The following PCDH15 variants were observed in gnomAD, a reference collection of about 807,000 sequenced individuals.
PCDH15 encodes protocadherin related 15, also known as protocadherin-15.
PCDH15 carries 129 observed loss-of-function variants against 178.5 expected under a neutral mutation model. The observed-to-expected ratio is 0.72, with a 90% CI of 0.63 to 0.84. The LOEUF (loss-of-function observed/expected upper bound fraction) is 0.84. Among genes scored for constraint, PCDH15 ranks in the 40% least tolerant of loss-of-function variants. PCDH15 has a pLI of 0.00. For missense variants in PCDH15, 2,230 were observed against 2,099.9 expected, an observed-to-expected ratio of 1.06 and a Z score of -1.21; for synonymous variants, 800 against 732.0, an observed-to-expected ratio of 1.09 and a Z score of -1.50.
At chr10:55,147,558 T>A (rs905008094) in intron 2 of PCDH15, among the ~76,000 whole-genome samples, 2 of 151,630 alleles carry the variant, frequency 1.3e-5, no homozygotes, top group Non-Finnish European at 3.0e-5. Context: ...CAGGTTCAAA[T>A]AAGTTCATAT....
intron 1 of PCDH15, among the ~76,000 whole-genome samples, chr10:54,787,447 T>C (rs528729690): frequency 3.3e-5 from 5 of 152,096 alleles, no homozygotes; most frequent in African/African-American, 9.6e-5. Context: ...TAGTCAACAA[T>C]AGTGTCAAAA....
chr10:54,543,109 C>G (rs1015701683), intron 2 of PCDH15, among the ~76,000 whole-genome samples: 5 of 151,312 alleles, frequency 3.3e-5, no homozygotes, highest in African/African-American at 1.2e-4. Context: ...GCCGTGGCCC[C>G]CCAAAACTCC....
chr10:55,119,234 G>A (rs921313136), intron 2 of PCDH15, among the ~76,000 whole-genome samples: 7 of 152,014 alleles, frequency 4.6e-5, no homozygotes, highest in Non-Finnish European at 1.0e-4. Context: ...CTCAGTATAC[G>A]ACCATGTGAG....
chr10:54,807,743 A>G (rs974166275), intron 3 of PCDH15, among the ~76,000 whole-genome samples: 7 of 149,166 alleles, frequency 4.7e-5, no homozygotes, highest in Non-Finnish European at 8.9e-5. Flanking sequence ...TAAAGTATGC[A>G]TATACTTATA....
chr10:54,853,625 A>C (rs541652669), intron 3 of PCDH15, among the ~76,000 whole-genome samples: 1 of 149,472 alleles, frequency 6.7e-6, no homozygotes, highest in East Asian at 2.0e-4. Context: ...AAATTAAAAA[A>C]GCTCTGGAAA....
At chr10:55,147,640 C>T (rs1388710143) in intron 2 of PCDH15, among the ~76,000 whole-genome samples, 1 of 91,162 alleles carries the variant, frequency 1.1e-5, no homozygotes. Context: ...TTCTCCCTAT[C>T]TTTCCTCTTC....
At chr10:55,160,792 C>G (rs921895527) in intron 2 of PCDH15, among the ~76,000 whole-genome samples, 6 of 151,980 alleles carry the variant, frequency 3.9e-5, no homozygotes, top group African/African-American at 1.2e-4. Flanking sequence ...AATACTTTCT[C>G]ATAATTTTCT....
chr10:54,045,278 C>T (rs1427736811), intron 18 of PCDH15, among the ~76,000 whole-genome samples: 1 of 152,086 alleles, frequency 6.6e-6, no homozygotes, highest in Non-Finnish European at 1.5e-5. Context: ...CTCTGCTGCA[C>T]TAGAGATCCT....
chr10:55,301,672 C>T (rs534321321), intron 1 of PCDH15, among the ~76,000 whole-genome samples: 100 of 152,134 alleles, frequency 6.6e-4, no homozygotes, highest in African/African-American at 2.3e-3. Context: ...CTTTGCTTTG[C>T]TCTATTGCCT....
At chr10:55,180,207 G>A (rs1839603802) in intron 1 of PCDH15, among the ~76,000 whole-genome samples, 1 of 151,964 alleles carries the variant, frequency 6.6e-6, no homozygotes, top group Non-Finnish European at 1.5e-5. Context: ...TAAAGAGAGA[G>A]AAAATCAGAA....
chr10:53,944,968 T>G (rs1348841137), intron 23 of PCDH15, among the ~76,000 whole-genome samples: 1 of 152,202 alleles, frequency 6.6e-6, no homozygotes, highest in Non-Finnish European at 1.5e-5. Flanking sequence ...TGCTTCTAAC[T>G]TTCTTGGCCG....
chr10:54,388,148 G>A (rs1298087277), intron 3 of PCDH15, among the ~76,000 whole-genome samples: 2 of 152,122 alleles, frequency 1.3e-5, no homozygotes, highest in African/African-American at 2.4e-5. Context: ...TGTCCTTATC[G>A]TATTTGCTAC....
chr10:54,352,153 A>G (rs1001493193), intron 5 of PCDH15, among the ~76,000 whole-genome samples: 2 of 152,200 alleles, frequency 1.3e-5, no homozygotes, highest in Non-Finnish European at 2.9e-5. Flanking sequence ...AAAGTTTAGT[A>G]AAAAATAAAA....
At chr10:54,787,279 A>C (rs1211458872) in intron 1 of PCDH15, among the ~76,000 whole-genome samples, 1 of 151,760 alleles carries the variant, frequency 6.6e-6, no homozygotes, top group East Asian at 1.9e-4. Flanking sequence ...AGGAAAAAAA[A>C]ACAATTTTTA....
rs1359004021 is a variant in PCDH15, at chr10:54,143,368, A to C, written c.1784+9732T>G. ...CTGTGCCTTTAACTATGACTCTCTT[A>C]AGACTTTTGTCATCTACAATTATTG... On this transcript the variant is annotated intron_variant, in intron 14 of 37. Coordinates refer to ENST00000644397, the MANE Select transcript of PCDH15 (RefSeq NM_001384140.1). 2.6e-5 allele frequency among the ~76,000 whole-genome samples: 4 copies of C among 152,146 alleles called. 1 individual carries two copies. Among genetic ancestry groups the C allele is most frequent in the Non-Finnish European group, 5.9e-5 (4 of 68,028 alleles).
At chr10:53,811,486 A>C in intron 36 of PCDH15, 63 bp downstream of exon 36, 1 of 996,694 alleles carries the variant, frequency 1.0e-6, no homozygotes, top group Non-Finnish European at 1.4e-6. Flanking sequence ...ATAATCATTT[A>C]ATAATTTCCT....
chr10:55,312,182 C>T (rs1330279567), intron 1 of PCDH15, among the ~76,000 whole-genome samples: 1 of 151,918 alleles, frequency 6.6e-6, no homozygotes, highest in Non-Finnish European at 1.5e-5. Flanking sequence ...CCATTCGTGT[C>T]ATATCAAGAA....
intron 20 of PCDH15, among the ~76,000 whole-genome samples, chr10:53,997,548 T>G (rs180817878): frequency 2.0e-5 from 3 of 152,324 alleles, no homozygotes; most frequent in Non-Finnish European, 4.4e-5. Context: ...TATTTTATTC[T>G]CAGGGGAAAT....
rs114053550 is a variant in PCDH15, at chr10:54,954,670, T to G, written c.-79-57170A>C. Among the ~76,000 whole-genome samples the G allele has an allele frequency of 7.6e-3, 1,146 of 151,386 alleles. 16 individuals carry two copies. The highest frequency in any genetic ancestry group is 0.026 in the African/African-American group (1,091 of 41,484). On this transcript the variant is annotated intron_variant, in intron 2 of 5. Transcript: ENST00000458638. ...ATGTCTAAATAGATCTGCTTTACAC[T>G]TGTATTTTCTAATACAAAAATACTT...
Sources: gnomAD v4.1 joint callset for allele counts (sites outside exome capture counted in the v4.1 genomes callset) on GRCh38, gnomAD v4.1.1 for gene constraint, MANE v1.5 for transcripts, NCBI Gene and HGNC (gene_info 2026-07-23, HGNC 2026-07-21) for gene names.